Variants in DCAKD observed in about 807,000 individuals in gnomAD.
DCAKD encodes dephospho-CoA kinase domain containing, also known as dephospho-CoA kinase domain-containing protein.
DCAKD carries 15 observed loss-of-function variants against 18.7 expected under a neutral mutation model. That is an observed-to-expected ratio of 0.80 (90% confidence interval 0.54 to 1.24). The LOEUF is 1.24. DCAKD is among the 50% of genes most tolerant of loss of function. The probability of loss-of-function intolerance (pLI) is 0.00; values close to 1 mark genes in which losing one functional copy is unlikely to be tolerated. For missense variants in DCAKD, 301 were observed against 322.0 expected, an observed-to-expected ratio of 0.93 and a Z score of 0.50; for synonymous variants, 130 against 133.0, an observed-to-expected ratio of 0.98 and a Z score of 0.16.
intron 2 of DCAKD, 80 bp from the exon 3 acceptor site, chr17:45,034,470 G>C: frequency 6.6e-7 from 1 of 1,509,730 alleles, no homozygotes; most frequent in Non-Finnish European, 9.1e-7. Flanking sequence ...GGGGCAAAAT[G>C]ATGGGGGAAC....
chr17:45,051,475 C>G lies in DCAKD; in HGVS notation c.-229G>C, dbSNP rs978155368. 1 of 151,902 alleles carries G rather than the reference C, an allele frequency of 6.6e-6. No homozygotes were observed. Among genetic ancestry groups the G allele is most frequent in the Non-Finnish European group, 1.5e-5 (1 of 67,938 alleles). The allele number at this position is 151,902 out of a possible 1,614,324, so 9.4% of individuals were successfully genotyped here. ...GTCGCCCGGGGCGGTGGCAGCCCCG[C>G]GTAGCAGCCGCGGCCAGGGCCCGCC... On this transcript the variant is annotated 5_prime_UTR_variant, in exon 1 of 5. Coordinates refer to ENST00000651974, the MANE Select transcript of DCAKD (RefSeq NM_001288655.2).
intron 1 of DCAKD, among the ~76,000 whole-genome samples, chr17:45,038,195 G>A (rs1400496693): frequency 6.6e-6 from 1 of 151,074 alleles, no homozygotes; most frequent in Non-Finnish European, 1.5e-5. Flanking sequence ...TCCTGCCTCA[G>A]CCTCCCGAGT....
At position 45,050,501 on chromosome 17, in the gene DCAKD, G is replaced by A. The variant is rs533834345; in HGVS notation, c.-115+860C>T. Reference sequence around the variant, plus strand: ...ACAGATTCAGACCTTGGTGAAGACAGACAGAGGAGGATTTGGTGGGAATTT... The same window carrying A: ...ACAGATTCAGACCTTGGTGAAGACAAACAGAGGAGGATTTGGTGGGAATTT... On this transcript the variant is annotated intron_variant, in intron 1 of 4. Coordinates refer to ENST00000651974, the MANE Select transcript of DCAKD (RefSeq NM_001288655.2). 8.5e-5 allele frequency among the ~76,000 whole-genome samples: 13 copies of A among 152,208 alleles called. No individual in the cohort carries two copies. The South Asian group carries it at 2.7e-3, about 32-fold the overall frequency.
chr17:45,026,208 C>G (rs532216877), intron 4 of DCAKD, among the ~76,000 whole-genome samples: 1 of 150,036 alleles, frequency 6.7e-6, no homozygotes, highest in South Asian at 2.1e-4. Flanking sequence ...CATAAGCCAC[C>G]GCGCCTGGAC....
chr17:45,027,714 G>A (rs541556744), intron 4 of DCAKD, among the ~76,000 whole-genome samples: 3 of 152,030 alleles, frequency 2.0e-5, no homozygotes, highest in Non-Finnish European at 2.9e-5. Context: ...AGGGCCGGGC[G>A]CAGTGGCTCA....
exon 1 of DCAKD, chr17:45,061,095 A>C: frequency 7.6e-7 from 1 of 1,313,048 alleles, no homozygotes; most frequent in Non-Finnish European, 9.7e-7. Flanking sequence ...TTCTTTCCTC[A>C]AAGCGTGGCC....
At chr17:45,051,696 TGGAC>T (rs1567852099), upstream of DCAKD, 9 of 130,748 alleles carry the variant, frequency 6.9e-5, no homozygotes, top group Non-Finnish European at 1.5e-4. Flanking sequence ...CGGGAGAGGT[TGGAC>T]GGGCGGGGCC....
chr17:45,024,534 A>T lies in DCAKD; in HGVS notation c.595T>A (p.Ser199Thr). ...AACCTCAGCGGCAGGTACTCCAGGG[A>T]GCGCTCCAGCTCAGTGTGCAAGAGG... ...VILLHTELER[S>T]LEYLPLRFGV... Residue 199 changes from serine (S) to threonine (T), a missense_variant, in exon 5 of 5, where the codon TCC (serine) becomes ACC (threonine). Coordinates refer to ENST00000651974, the MANE Select transcript of DCAKD (RefSeq NM_001288655.2). 1 of 1,614,112 alleles carries T rather than the reference A, an allele frequency of 6.2e-7. No homozygotes were observed. The highest frequency in any genetic ancestry group is 1.1e-5 in the South Asian group (1 of 91,076).
chr17:45,046,508 C>A (rs1052093254), intron 1 of DCAKD, among the ~76,000 whole-genome samples: 2 of 144,390 alleles, frequency 1.4e-5, no homozygotes, highest in East Asian at 4.3e-4. Context: ...CCCAGCTACT[C>A]GGGAGGCTGA....
chr17:45,050,308 C>T (rs568546683), intron 1 of DCAKD, among the ~76,000 whole-genome samples: 3 of 151,324 alleles, frequency 2.0e-5, no homozygotes, highest in East Asian at 2.0e-4. Context: ...CCTACCAAAG[C>T]GCTGGGATTA....
chr17:45,046,029 G>A (rs151200927), intron 1 of DCAKD, among the ~76,000 whole-genome samples: 8 of 151,898 alleles, frequency 5.3e-5, no homozygotes, highest in Admixed American at 6.6e-5. Flanking sequence ...ATTTCACCAC[G>A]TTGGCCAGGC....
At chr17:45,042,770 G>A (rs774756282) in intron 1 of DCAKD, among the ~76,000 whole-genome samples, 2 of 152,124 alleles carry the variant, frequency 1.3e-5, no homozygotes, top group African/African-American at 2.4e-5. Context: ...AGTTCTCTTC[G>A]TGGGCTAGGC....
chr17:45,036,146 A>G (rs950064888), intron 1 of DCAKD, among the ~76,000 whole-genome samples: 1 of 152,168 alleles, frequency 6.6e-6, no homozygotes, highest in Non-Finnish European at 1.5e-5. Context: ...CTCCACTCAC[A>G]TGTGCTGCAA....
In DCAKD at chr17:45,030,096, A is replaced by G. The variant is rs748453279; in HGVS notation, c.400T>C (p.Tyr134His). Reference sequence around the variant, plus strand: ...CAGGGCATGCTACACACTCACCAGTATACTACCACGGTGTGCTTCATGTAC... The same window carrying G: ...CAGGGCATGCTACACACTCACCAGTGTACTACCACGGTGTGCTTCATGTAC... ...LKYMKHTVVV[Y>H]CDRDTQLARL... is the part of the protein sequence containing the mutation. Residue 134 changes from tyrosine to histidine, a missense_variant, in exon 4 of 5, where the codon TAC becomes CAC. Transcript: ENST00000651974. 3.1e-6 allele frequency: 5 copies of G among 1,613,538 alleles called. No individual in the cohort carries two copies. The African/African-American group carries it at 6.7e-5, about 22-fold the overall frequency.
At chr17:45,056,825 T>C (rs1351453550) in intron 1 of DCAKD, among the ~76,000 whole-genome samples, 1 of 151,362 alleles carries the variant, frequency 6.6e-6, no homozygotes, top group Non-Finnish European at 1.5e-5. Flanking sequence ...TGGAGTGCGG[T>C]GGCGTGATCT....
In DCAKD at chr17:45,031,224, G is replaced by C. The variant is rs996532756; in HGVS notation, c.317-1045C>G. 3 of 985,188 alleles carry C rather than the reference G, an allele frequency of 3.0e-6. No individual in the cohort carries two copies. The African/African-American group carries it at 5.2e-5, about 17-fold the overall frequency. 61.0% of individuals were successfully genotyped at this position (985,188 alleles called of 1,614,324 possible). A position where few individuals can be genotyped will look rare whatever the true frequency, so the allele number is the denominator to read the frequency against. ...AAACTTGCACTCAAAGTGATGCAGG[G>C]ACAATGGCGGTGGGGGGGTGGCAAT... On this transcript the variant is annotated intron_variant, in intron 3 of 4. Coordinates refer to ENST00000651974, the MANE Select transcript of DCAKD (RefSeq NM_001288655.2).
intron 1 of DCAKD, among the ~76,000 whole-genome samples, chr17:45,048,178 C>T (rs2053612678): frequency 6.6e-6 from 1 of 150,860 alleles, no homozygotes; most frequent in Non-Finnish European, 1.5e-5. Flanking sequence ...CACTTGAGGC[C>T]AGGAGTTCAA....
intron 1 of DCAKD, among the ~76,000 whole-genome samples, chr17:45,040,905 T>C (rs377750692): frequency 2.6e-5 from 4 of 152,244 alleles, no homozygotes; most frequent in East Asian, 3.9e-4. Context: ...GAAGAATAAA[T>C]ACATTCAGAG....
chr17:45,045,757 G>A (rs2053552703), intron 1 of DCAKD, among the ~76,000 whole-genome samples: 2 of 148,120 alleles, frequency 1.4e-5, no homozygotes, highest in East Asian at 2.1e-4. Context: ...AAAGATACTT[G>A]TTGAATTAAT....
Sources: allele counts gnomAD v4.1 joint callset (sites outside exome capture counted in the v4.1 genomes callset), GRCh38; gene constraint gnomAD v4.1.1; transcripts MANE v1.5; gene names NCBI Gene and HGNC (gene_info 2026-07-23, HGNC 2026-07-21).